The following CRY1 variants were observed in gnomAD, a reference collection of about 807,000 sequenced individuals.
The protein encoded by CRY1 is cryptochrome circadian regulator 1.
CRY1 carries 45 observed loss-of-function variants against 76.0 expected under a neutral mutation model. That is an observed-to-expected ratio of 0.59 (90% confidence interval 0.47 to 0.76). The LOEUF is 0.76. Among genes scored for constraint, CRY1 ranks in the 30% least tolerant of loss-of-function variants. CRY1 has a pLI of 0.00. For missense variants in CRY1, 587 were observed against 716.4 expected, an observed-to-expected ratio of 0.82 and a Z score of 2.06; for synonymous variants, 248 against 244.0, an observed-to-expected ratio of 1.02 and a Z score of -0.15.
chr12:107,088,928 C>A (rs1953436210), intron 1 of CRY1, among the ~76,000 whole-genome samples: 1 of 152,192 alleles, frequency 6.6e-6, no homozygotes, highest in Non-Finnish European at 1.5e-5. Flanking sequence ...TCCTAAGGAG[C>A]CACTAGTCTG....
At chr12:107,081,689 G>T (rs943304010) in intron 1 of CRY1, among the ~76,000 whole-genome samples, 3 of 152,058 alleles carry the variant, frequency 2.0e-5, no homozygotes, top group Non-Finnish European at 4.4e-5. Context: ...GTGAGAGAGA[G>T]ATTATATACA....
In CRY1 at chr12:107,047,085, T is replaced by C. The variant is rs189818274; in HGVS notation, c.159-24893A>G. Among the ~76,000 whole-genome samples the C allele has an allele frequency of 4.1e-3, 617 of 152,320 alleles. 1 individual carries two copies. The highest frequency in any genetic ancestry group is 0.014 in the African/African-American group (590 of 41,562). ...GTTGTAGAATACACATTCTTTTCAT[T>C]GGCATATGAAACGTTCTTGTGGACA... is the stretch of plus-strand genomic sequence containing the variant. On this transcript the variant is annotated intron_variant, in intron 1 of 12. Transcript: ENST00000008527.
chr12:107,025,502 G>C (rs1448753617), intron 1 of CRY1, among the ~76,000 whole-genome samples: 1 of 152,056 alleles, frequency 6.6e-6, no homozygotes, highest in African/African-American at 2.4e-5. Flanking sequence ...AGCATTGTTC[G>C]TGAGATTAAA....
chr12:107,055,388 T>C (rs1382472194), intron 1 of CRY1, among the ~76,000 whole-genome samples: 3 of 151,816 alleles, frequency 2.0e-5, no homozygotes, highest in African/African-American at 7.3e-5. Context: ...TTAAAGAGAA[T>C]GTGGAATAAA....
At chr12:107,018,958 C>T (rs993347112) in intron 2 of CRY1, among the ~76,000 whole-genome samples, 1 of 152,128 alleles carries the variant, frequency 6.6e-6, no homozygotes, top group Non-Finnish European at 1.5e-5. Context: ...GTACTGGAGC[C>T]ACTGACACAA....
chr12:107,067,747 G>A (rs1370213849), intron 1 of CRY1, among the ~76,000 whole-genome samples: 1 of 152,130 alleles, frequency 6.6e-6, no homozygotes, highest in Non-Finnish European at 1.5e-5. Flanking sequence ...TAGGGGACAG[G>A]AGAAGGAAGA....
rs1431844764 is a variant in CRY1, at chr12:106,997,896, G to C, written c.1289+19C>G. 2 of 1,610,562 alleles carry C rather than the reference G, an allele frequency of 1.2e-6. No homozygotes were observed. Among genetic ancestry groups the C allele is most frequent in the Non-Finnish European group, 1.7e-6 (2 of 1,178,750 alleles). On this transcript the variant is annotated intron_variant, in intron 8 of 12. Transcript: ENST00000008527. ...TGAATTAACTATTCCAAACTGAGTA[G>C]TAATCACCCTTGATTTACCTGATAT...
chr12:107,035,435 G>T (rs1408537629), intron 1 of CRY1, among the ~76,000 whole-genome samples: 1 of 152,188 alleles, frequency 6.6e-6, no homozygotes, highest in Non-Finnish European at 1.5e-5. Context: ...GATGTTAGAT[G>T]ATAATTATGA....
intron 1 of CRY1, among the ~76,000 whole-genome samples, chr12:107,078,342 A>C (rs1369062178): frequency 6.6e-6 from 1 of 151,892 alleles, no homozygotes; most frequent in East Asian, 1.9e-4. Context: ...GTCTTTGATA[A>C]TTTTTCCTAC....
At chr12:107,016,242 G>A (rs199702909) in intron 2 of CRY1, among the ~76,000 whole-genome samples, 1 of 152,130 alleles carries the variant, frequency 6.6e-6, no homozygotes, top group Non-Finnish European at 1.5e-5. Flanking sequence ...CCCAGGAGGT[G>A]GAGGCTGCAG....
At chr12:107,064,717 G>T (rs1412082948) in intron 1 of CRY1, among the ~76,000 whole-genome samples, 1 of 152,188 alleles carries the variant, frequency 6.6e-6, no homozygotes, top group East Asian at 1.9e-4. Flanking sequence ...ACAATAATTT[G>T]AAAGAAAAAC....
chr12:107,051,936 C>T (rs1427460624), intron 1 of CRY1, among the ~76,000 whole-genome samples: 1 of 126,118 alleles, frequency 7.9e-6, no homozygotes. Flanking sequence ...ATCTGTTAAG[C>T]ATTTGTAAAA....
At chr12:107,024,637 G>C (rs921790523) in intron 1 of CRY1, among the ~76,000 whole-genome samples, 3 of 152,012 alleles carry the variant, frequency 2.0e-5, no homozygotes, top group Non-Finnish European at 4.4e-5. Flanking sequence ...TCAGCCTCCC[G>C]AAGTGCTGGG....
intron 1 of CRY1, among the ~76,000 whole-genome samples, chr12:107,031,437 G>A (rs922564733): frequency 2.0e-5 from 3 of 147,264 alleles, no homozygotes; most frequent in African/African-American, 7.5e-5. Context: ...AGTCACAGAT[G>A]AAGACTACAA....
At chr12:106,999,091 C>T (rs921150366) in intron 7 of CRY1, among the ~76,000 whole-genome samples, 7 of 150,334 alleles carry the variant, frequency 4.7e-5, no homozygotes, top group Non-Finnish European at 8.9e-5. Context: ...ACGTGTAATC[C>T]ACAAGATGTC....
At chr12:107,031,718 T>C (rs1411516523) in intron 1 of CRY1, among the ~76,000 whole-genome samples, 1 of 151,878 alleles carries the variant, frequency 6.6e-6, no homozygotes, top group Non-Finnish European at 1.5e-5. Context: ...TCAGAGAAAC[T>C]CAAATTGAGG....
intron 1 of CRY1, among the ~76,000 whole-genome samples, chr12:107,075,366 G>A (rs1371410783): frequency 6.6e-6 from 1 of 152,006 alleles, no homozygotes; most frequent in East Asian, 1.9e-4. Context: ...GCTTCAAAAA[G>A]CCTTGATAAA....
At chr12:107,041,174 T>C (rs1011916240) in intron 1 of CRY1, among the ~76,000 whole-genome samples, 2 of 151,866 alleles carry the variant, frequency 1.3e-5, no homozygotes, top group African/African-American at 2.4e-5. Context: ...CTTTCATTTA[T>C]ACAGCCAACA....
At chr12:106,993,082 A>C in intron 10 of CRY1, 46 bp from the exon 11 acceptor site, 1 of 1,578,802 alleles carries the variant, frequency 6.3e-7, no homozygotes, top group Non-Finnish European at 8.7e-7. Flanking sequence ...ATCAAATCCA[A>C]GATGTATGTA....
Sources: gnomAD v4.1 joint callset for allele counts (sites outside exome capture counted in the v4.1 genomes callset) on GRCh38, gnomAD v4.1.1 for gene constraint, MANE v1.5 for transcripts, NCBI Gene and HGNC (gene_info 2026-07-23, HGNC 2026-07-21) for gene names.